SEMA3D: variants seen among roughly 807,000 people sequenced by gnomAD.
SEMA3D encodes semaphorin-3D.
A neutral mutation model predicts 100.1 loss-of-function variants in SEMA3D; 84 were observed. That is an observed-to-expected ratio of 0.84 (90% CI 0.70 to 1.01). The LOEUF (loss-of-function observed/expected upper bound fraction) is 1.01. SEMA3D is among the 50% of genes least tolerant of loss of function. The pLI, the probability that SEMA3D is intolerant of heterozygous loss-of-function variation, is 0.00. For synonymous variants in SEMA3D, 312 were observed against 320.7 expected, an observed-to-expected ratio of 0.97 and a Z score of 0.29; for missense variants, 875 against 934.1, an observed-to-expected ratio of 0.94 and a Z score of 0.82.
chr7:85,142,205 C>T (rs1790072131), intron 2 of SEMA3D: 1 of 983,142 alleles, frequency 1.0e-6, no homozygotes. Flanking sequence ...TACTCAATTG[C>T]TTATTTAATC....
chr7:85,138,089 T>C (rs1339509716), intron 2 of SEMA3D, among the ~76,000 whole-genome samples: 1 of 152,128 alleles, frequency 6.6e-6, no homozygotes, highest in African/African-American at 2.4e-5. Context: ...TAAATCTACT[T>C]CAGATAGCCC....
chr7:85,177,897 T>G (rs1791282889), intron 1 of SEMA3D, among the ~76,000 whole-genome samples: 1 of 152,194 alleles, frequency 6.6e-6, no homozygotes, highest in Non-Finnish European at 1.5e-5. Flanking sequence ...TGAATTGTAA[T>G]CCAAATTGTA....
chr7:85,057,875 G>C (rs1791365872), intron 8 of SEMA3D, among the ~76,000 whole-genome samples: 1 of 150,366 alleles, frequency 6.7e-6, no homozygotes, highest in South Asian at 2.1e-4. Flanking sequence ...AGGTTGTAGA[G>C]AGCCGAGATC....
At position 85,173,729 on chromosome 7, in the gene SEMA3D, ACT is replaced by A. The variant is rs1791148055; in HGVS notation, c.-173+12947_-173+12948del. 2.0e-5 allele frequency among the ~76,000 whole-genome samples: 3 copies of A among 152,148 alleles called. 1 individual carries two copies. Among genetic ancestry groups the A allele is most frequent in the South Asian group, 4.1e-4 (2 of 4,836 alleles). On this transcript the variant is annotated intron_variant, in intron 1 of 18. Transcript: ENST00000284136. ...ATTAACCCATGTGTTCCTCACAATA[ACT>A]CTGTGAGATTAGTGTTTTCATGAAC...
intron 9 of SEMA3D, among the ~76,000 whole-genome samples, chr7:85,049,544 C>T (rs535731355): frequency 7.3e-5 from 11 of 151,716 alleles, no homozygotes; most frequent in African/African-American, 2.7e-4. Flanking sequence ...GTATAAACCC[C>T]TTCCTAGGAA....
intron 1 of SEMA3D, chr7:85,167,293 GTATCTGGAAA>G: frequency 1.0e-6 from 1 of 984,938 alleles, no homozygotes; most frequent in Non-Finnish European, 1.2e-6. Flanking sequence ...GAGGCCAAGA[GTATCTGGAAA>G]TATGCAGAAC....
the SEMA3D span, among the ~76,000 whole-genome samples, chr7:85,214,815 G>T: frequency 6.6e-6 from 1 of 152,152 alleles, no homozygotes; most frequent in South Asian, 2.1e-4. Context: ...CTCTTATAAT[G>T]ATGATTTCAA....
chr7:85,011,938 CGT>C (rs980722873), intron 17 of SEMA3D, among the ~76,000 whole-genome samples: 1 of 151,220 alleles, frequency 6.6e-6, no homozygotes, highest in African/African-American at 2.4e-5. Context: ...TCCACCTGTT[CGT>C]GTGTGTGTGC....
At chr7:85,052,247 G>A (rs767423730) in intron 9 of SEMA3D, among the ~76,000 whole-genome samples, 15 of 151,848 alleles carry the variant, frequency 9.9e-5, no homozygotes, top group Non-Finnish European at 2.1e-4. Flanking sequence ...TCAAATTGCT[G>A]CTAACTATAT....
At chr7:85,052,203 C>A (rs977483790) in intron 9 of SEMA3D, among the ~76,000 whole-genome samples, 2 of 151,926 alleles carry the variant, frequency 1.3e-5, no homozygotes, top group African/African-American at 4.8e-5. Context: ...ACAGGTCTCC[C>A]AGTCACAAAT....
At chr7:85,077,777 C>T (rs889531770) in intron 5 of SEMA3D, among the ~76,000 whole-genome samples, 2 of 152,024 alleles carry the variant, frequency 1.3e-5, no homozygotes, top group African/African-American at 4.8e-5. Context: ...GCATATGAGG[C>T]ATAAACTTTC....
At chr7:85,162,127 T>G (rs911125763) in intron 1 of SEMA3D, among the ~76,000 whole-genome samples, 1 of 152,072 alleles carries the variant, frequency 6.6e-6, no homozygotes, top group Non-Finnish European at 1.5e-5. Context: ...GAGTTAGATA[T>G]TCCTCATCCT....
In SEMA3D at chr7:85,042,244, C is replaced by G; in HGVS notation, c.903G>C (p.Thr301=). 1 of 1,613,446 alleles carries G rather than the reference C, an allele frequency of 6.2e-7. No homozygotes were observed. The highest frequency in any genetic ancestry group is 8.5e-7 in the Non-Finnish European group (1 of 1,179,572). ...AAATCAGTCTGGCCTTAAGAAAAGTCGTCCACTTGTTTATCAGGCTGCGTT... is the reference window on the plus strand; with the variant it reads ...AAATCAGTCTGGCCTTAAGAAAAGTGGTCCACTTGTTTATCAGGCTGCGTT... ...GGQRSLINKW[T]TFLKARLICS... Residue 301 remains threonine (T), a synonymous_variant, in exon 10 of 19, where the codon ACG becomes ACC. Coordinates refer to ENST00000284136, the MANE Select transcript of SEMA3D (RefSeq NM_001384900.1).
chr7:85,100,312 CTTT>C (rs61378869), intron 3 of SEMA3D, among the ~76,000 whole-genome samples: 1 of 142,600 alleles, frequency 7.0e-6, no homozygotes, highest in African/African-American at 2.5e-5. Context: ...GTTGATTTTT[CTTT>C]TTTTTTTTTT....
At chr7:85,238,376 CT>C in the SEMA3D span, among the ~76,000 whole-genome samples, 1 of 151,968 alleles carries the variant, frequency 6.6e-6, no homozygotes, top group African/African-American at 2.4e-5. Context: ...AAAATTAGTT[CT>C]TATGAAGGGT....
intron 12 of SEMA3D, among the ~76,000 whole-genome samples, chr7:85,033,080 T>C (rs1017475782): frequency 6.6e-6 from 1 of 152,146 alleles, no homozygotes; most frequent in Non-Finnish European, 1.5e-5. Flanking sequence ...GACCCTTCTT[T>C]AGTCCTAATC....
chr7:85,048,609 A>G (rs549806494), intron 9 of SEMA3D, among the ~76,000 whole-genome samples: 96 of 152,036 alleles, frequency 6.3e-4, no homozygotes, highest in African/African-American at 2.3e-3. Context: ...AAATGAAACA[A>G]ACTTTGTTGA....
chr7:85,144,048 T>C (rs10259670), intron 2 of SEMA3D, among the ~76,000 whole-genome samples: 1 of 151,976 alleles, frequency 6.6e-6, no homozygotes. Context: ...CAGTTATATA[T>C]GAAAGTAAAA....
intron 2 of SEMA3D, chr7:85,141,169 T>G (rs954437435): frequency 1.0e-6 from 1 of 984,336 alleles, no homozygotes; most frequent in Non-Finnish European, 1.2e-6. Context: ...ACATTATAAC[T>G]AGTTGCAGCA....
Sources: allele counts gnomAD v4.1 joint callset (sites outside exome capture counted in the v4.1 genomes callset), GRCh38; gene constraint gnomAD v4.1.1; transcripts MANE v1.5; gene names NCBI Gene and HGNC (gene_info 2026-07-23, HGNC 2026-07-21).